The following EXTL3 variants were observed in gnomAD, a reference collection of about 807,000 sequenced individuals.
The protein encoded by EXTL3 is exostosin like glycosyltransferase 3.
A neutral mutation model predicts 69.3 loss-of-function variants in EXTL3; 27 were observed. That is an observed-to-expected ratio of 0.39 (90% CI 0.29 to 0.54). EXTL3 has a LOEUF of 0.54. EXTL3 is among the 20% of genes least tolerant of loss of function. The probability of loss-of-function intolerance (pLI) is 0.69; values close to 1 mark genes in which losing one functional copy is unlikely to be tolerated. For synonymous variants in EXTL3, 511 were observed against 499.4 expected (o/e 1.02, Z -0.31); for missense variants, 1,003 against 1,231.8 (o/e 0.81, Z 2.78).
chr8:28,615,906 A>G, intron 2 of EXTL3, among the ~76,000 whole-genome samples: 1 of 151,984 alleles, frequency 6.6e-6, no homozygotes, highest in East Asian at 1.9e-4. Context: ...TTAGCATAGT[A>G]TGTCTTTCTC....
At chr8:28,683,753 T>C (rs1807529847) in intron 1 of EXTL3, among the ~76,000 whole-genome samples, 1 of 151,808 alleles carries the variant, frequency 6.6e-6, no homozygotes, top group South Asian at 2.1e-4. Flanking sequence ...GAGCTTGCAG[T>C]GAGCTGAGAT....
chr8:28,692,604 G>C (rs984870210), intron 1 of EXTL3, among the ~76,000 whole-genome samples: 2 of 152,026 alleles, frequency 1.3e-5, no homozygotes, highest in African/African-American at 4.8e-5. Context: ...AAAGTATTTA[G>C]CATAATTAGT....
intron 1 of EXTL3, among the ~76,000 whole-genome samples, chr8:28,670,717 C>G (rs1274754006): frequency 6.6e-6 from 1 of 152,178 alleles, no homozygotes; most frequent in Admixed American, 6.5e-5. Flanking sequence ...GGATGAGGCC[C>G]AAGCACAGCA....
At chr8:28,611,013 G>A (rs1806265349) in intron 2 of EXTL3, among the ~76,000 whole-genome samples, 1 of 152,188 alleles carries the variant, frequency 6.6e-6, no homozygotes, top group Admixed American at 6.5e-5. Context: ...AAAGTGCTGG[G>A]ATTACAGGCG....
chr8:28,636,088 T>C (rs1320534214), intron 1 of EXTL3, among the ~76,000 whole-genome samples: 1 of 152,044 alleles, frequency 6.6e-6, no homozygotes. Flanking sequence ...CCTCACACTT[T>C]GGGAGGCTGA....
chr8:28,739,345 T>C (rs1477489709), intron 5 of EXTL3, among the ~76,000 whole-genome samples: 1 of 152,120 alleles, frequency 6.6e-6, no homozygotes, highest in Non-Finnish European at 1.5e-5. Context: ...TTTTAATTTT[T>C]TAAGACAGGG....
At chr8:28,701,090 T>C (rs1177096804), upstream of EXTL3, 1 of 152,270 alleles carries the variant, frequency 6.6e-6, no homozygotes, top group Non-Finnish European at 1.5e-5. Context: ...GCGCCCGTCC[T>C]TGGAGGCCTT....
rs1801981531 is a variant in EXTL3, at chr8:28,750,565, C to G, written c.2551-92C>G. The G allele has an allele frequency of 3.7e-6, 4 of 1,075,830 alleles. No homozygotes were observed. Among genetic ancestry groups the G allele is most frequent in the Non-Finnish European group, 2.8e-6 (2 of 702,340 alleles). 66.6% of individuals were successfully genotyped at this position (1,075,830 alleles called of 1,614,324 possible). ...GCCCCTGAGGGGATCAGCGTCTTCA[C>G]CATGGACATGGGAGTGTGGGATCGG... On this transcript the variant is annotated intron_variant, in intron 6 of 6. Coordinates refer to ENST00000220562, the MANE Select transcript of EXTL3 (RefSeq NM_001440.4). The surrounding 1 kb of genome is among the most constrained non-coding windows in gnomAD (Gnocchi z 5.2).
chr8:28,628,660 TG>T (rs1488171291), intron 1 of EXTL3, among the ~76,000 whole-genome samples: 1 of 152,210 alleles, frequency 6.6e-6, no homozygotes, highest in Admixed American at 6.5e-5. Flanking sequence ...ACTTGTTTTT[TG>T]TTTGTTTTTT....
upstream of EXTL3, among the ~76,000 whole-genome samples, chr8:28,620,572 T>G (rs1208717365): frequency 6.6e-6 from 1 of 152,186 alleles, no homozygotes; most frequent in African/African-American, 2.4e-5. Flanking sequence ...ACATACCCCA[T>G]GTAGGCTTCA....
At chr8:28,695,129 A>ATT (rs528077170) in intron 1 of EXTL3, among the ~76,000 whole-genome samples, 8,733 of 137,872 alleles carry the variant, frequency 0.063, 384 homozygotes, top group Non-Finnish European at 0.092. Context: ...GTAAATGAGG[A>ATT]TTTTTTTTTT....
intron 3 of EXTL3, 44 bp from the exon 4 acceptor site, chr8:28,731,179 A>G (rs1028330392): frequency 5.0e-6 from 8 of 1,613,808 alleles, no homozygotes; most frequent in African/African-American, 2.7e-5. Flanking sequence ...TTGGCCTTTC[A>G]TAACACAGCC....
At chr8:28,613,944 G>A (rs1013769522) in intron 2 of EXTL3, among the ~76,000 whole-genome samples, 1 of 151,476 alleles carries the variant, frequency 6.6e-6, no homozygotes, top group African/African-American at 2.4e-5. Flanking sequence ...CTCAGCCTTT[G>A]GAGTAGCTAG....
chr8:28,687,551 T>C (rs1718979446), intron 1 of EXTL3, among the ~76,000 whole-genome samples: 1 of 152,240 alleles, frequency 6.6e-6, no homozygotes, highest in African/African-American at 2.4e-5. Context: ...ATAGTCTCTA[T>C]AAATTTGGTT....
At chr8:28,658,193 G>A (rs1031123736) in intron 1 of EXTL3, among the ~76,000 whole-genome samples, 6 of 136,476 alleles carry the variant, frequency 4.4e-5, no homozygotes, top group Non-Finnish European at 6.3e-5. Flanking sequence ...GCTTGACACC[G>A]GACGGTGGGT....
At chr8:28,626,149 G>A (rs892681422) in intron 1 of EXTL3, among the ~76,000 whole-genome samples, 10 of 148,842 alleles carry the variant, frequency 6.7e-5, no homozygotes, top group African/African-American at 2.5e-4. Flanking sequence ...TACAATCTGG[G>A]CAACAGGGTG....
At chr8:28,739,661 C>T (rs570078976) in intron 5 of EXTL3, among the ~76,000 whole-genome samples, 10 of 152,262 alleles carry the variant, frequency 6.6e-5, no homozygotes, top group South Asian at 6.2e-4. Context: ...CCTAAGCAGT[C>T]GTTAAACTTT....
intron 3 of EXTL3, among the ~76,000 whole-genome samples, chr8:28,724,148 T>C (rs1801359275): frequency 1.3e-5 from 2 of 152,168 alleles, no homozygotes; most frequent in Non-Finnish European, 2.9e-5. Flanking sequence ...TATCATGTTA[T>C]AATAATTGTT....
intron 1 of EXTL3, among the ~76,000 whole-genome samples, chr8:28,656,787 T>A (rs1807017487): frequency 6.6e-6 from 1 of 152,158 alleles, no homozygotes; most frequent in Admixed American, 6.5e-5. Flanking sequence ...ATTTGCTTAC[T>A]CCTTTCATAA....
Sources: gnomAD v4.1 joint callset for allele counts (sites outside exome capture counted in the v4.1 genomes callset) on GRCh38, gnomAD v4.1.1 for gene constraint, Gnocchi (gnomAD v3.1) non-coding constraint, MANE v1.5 for transcripts, NCBI Gene and HGNC (gene_info 2026-07-23, HGNC 2026-07-21) for gene names.